SEC23A: variants seen among roughly 807,000 people sequenced by gnomAD.
The protein encoded by SEC23A is protein transport protein Sec23A.
A neutral mutation model predicts 103.7 loss-of-function variants in SEC23A; 56 were observed. The observed-to-expected ratio is 0.54, with a 90% CI of 0.44 to 0.67. SEC23A has a LOEUF of 0.67. SEC23A is among the 30% of genes least tolerant of loss of function. The pLI is 0.00. For missense variants in SEC23A, 784 were observed against 936.4 expected (o/e 0.84, Z 2.12); for synonymous variants, 281 against 293.0 (o/e 0.96, Z 0.42).
At chr14:39,041,793 C>T (rs1157741150) in intron 17 of SEC23A, among the ~76,000 whole-genome samples, 3 of 147,386 alleles carry the variant, frequency 2.0e-5, no homozygotes, top group African/African-American at 5.0e-5. Flanking sequence ...CGCTGGAACC[C>T]GGGAGGCAGA....
chr14:39,046,051 T>C (rs1885826820), intron 15 of SEC23A, among the ~76,000 whole-genome samples: 1 of 152,076 alleles, frequency 6.6e-6, no homozygotes, highest in African/African-American at 2.4e-5. Flanking sequence ...GATCTGATGG[T>C]TTTATAAATG....
chr14:39,087,366 T>G (rs1194220586), intron 5 of SEC23A, among the ~76,000 whole-genome samples: 1 of 152,208 alleles, frequency 6.6e-6, no homozygotes, highest in African/African-American at 2.4e-5. Flanking sequence ...CATAAGCACC[T>G]GCTATGTGGC....
intron 1 of SEC23A, among the ~76,000 whole-genome samples, chr14:39,099,400 C>T (rs1472843130): frequency 1.3e-5 from 2 of 151,888 alleles, no homozygotes; most frequent in African/African-American, 2.4e-5. Context: ...CCTCGTGATC[C>T]GCCGGCCTCG....
At chr14:39,057,494 C>G (rs1886289949) in intron 13 of SEC23A, among the ~76,000 whole-genome samples, 1 of 152,104 alleles carries the variant, frequency 6.6e-6, no homozygotes, top group South Asian at 2.1e-4. Flanking sequence ...GCCTTCTGAG[C>G]AGCAGGACTA....
At chr14:39,046,339 C>G (rs552151284) in intron 15 of SEC23A, among the ~76,000 whole-genome samples, 1 of 151,900 alleles carries the variant, frequency 6.6e-6, no homozygotes, top group African/African-American at 2.4e-5. Context: ...CGGGTATGGT[C>G]GCATGTGTCT....
rs904065152 is a variant in SEC23A at position 39,052,864 on chromosome 14, G to A, written c.1659+2279C>T. Among the ~76,000 whole-genome samples, 11 of 152,174 alleles carry A rather than the reference G, an allele frequency of 7.2e-5. No individual in the cohort carries two copies. In the East Asian group the frequency reaches 7.7e-4, roughly 11 times the overall value. On this transcript the variant is annotated intron_variant, in intron 14 of 19. Transcript: ENST00000307712. ...CAAGATGCTGTCTGAGGCCAGGTGC[G>A]GTAGCTCACGCCTGTAATCCCAGCA...
Position 39,033,106 on chromosome 14 carries a change from T to C in SEC23A, c.*133A>G, listed in dbSNP as rs534406720. The C allele has an allele frequency of 4.4e-5, 30 of 687,310 alleles. No individual in the cohort carries two copies. Among genetic ancestry groups the C allele is most frequent in the East Asian group, 3.4e-4 (13 of 38,386 alleles). The allele number at this position is 687,310 out of a possible 1,614,324, so 42.6% of individuals were successfully genotyped here. A position where few individuals can be genotyped will look rare whatever the true frequency, so the allele number is the denominator to read the frequency against. On this transcript the variant is annotated 3_prime_UTR_variant, in exon 20 of 20. Coordinates refer to ENST00000307712, the MANE Select transcript of SEC23A (RefSeq NM_006364.4). Reference sequence around the variant, plus strand: ...TCTACAAATGTGAACATTTTCCATATGTTGTCTCAAACCATACTAATACAA... The same window carrying C: ...TCTACAAATGTGAACATTTTCCATACGTTGTCTCAAACCATACTAATACAA...
intron 17 of SEC23A, chr14:39,041,200 T>C (rs1052986477): frequency 1.4e-5 from 3 of 220,420 alleles, no homozygotes; most frequent in Non-Finnish European, 2.7e-5. Context: ...GTGAAAGCAA[T>C]TGAATCAATC....
At chr14:39,041,766 G>A (rs1195738367) in intron 17 of SEC23A, among the ~76,000 whole-genome samples, 1 of 151,620 alleles carries the variant, frequency 6.6e-6, no homozygotes, top group Non-Finnish European at 1.5e-5. Flanking sequence ...CTACCCAGAA[G>A]GCTGAGACAG....
intron 17 of SEC23A, 94 bp from the exon 18 acceptor site, chr14:39,040,981 A>G (rs775625055): frequency 9.8e-6 from 14 of 1,431,072 alleles, no homozygotes; most frequent in Non-Finnish European, 1.3e-5. Flanking sequence ...TAGAAACTAA[A>G]AAAATTATAG....
At chr14:39,043,319 T>C (rs2139190282) in intron 16 of SEC23A, among the ~76,000 whole-genome samples, 2 of 152,254 alleles carry the variant, frequency 1.3e-5, no homozygotes, top group South Asian at 4.1e-4. Context: ...TATATTTTAT[T>C]ACCTAAAATC....
chr14:39,095,102 G>GGTAT, intron 2 of SEC23A: 1 of 655,428 alleles, frequency 1.5e-6, no homozygotes. Flanking sequence ...CTTGAAGCAG[G>GGTAT]GTATACTACC....
intron 1 of SEC23A, among the ~76,000 whole-genome samples, chr14:39,101,331 C>G (rs1888083831): frequency 6.6e-6 from 1 of 152,054 alleles, no homozygotes; most frequent in South Asian, 2.1e-4. Context: ...AAAAGTAAGA[C>G]TTCCCTGGCC....
At chr14:39,049,630 T>C (rs1006564178) in intron 14 of SEC23A, among the ~76,000 whole-genome samples, 3 of 150,670 alleles carry the variant, frequency 2.0e-5, no homozygotes, top group Non-Finnish European at 4.4e-5. Flanking sequence ...TTTTGAAAAT[T>C]AGCCAGGCAT....
chr14:39,062,702 T>C (rs930226783), intron 12 of SEC23A, among the ~76,000 whole-genome samples: 3 of 152,118 alleles, frequency 2.0e-5, no homozygotes, highest in Admixed American at 1.3e-4. Flanking sequence ...AGTCAATATA[T>C]TTCTTATAAA....
At chr14:39,039,120 A>G (rs756213405) in intron 18 of SEC23A, 24 bp from the exon 19 acceptor site, 1 of 1,600,218 alleles carries the variant, frequency 6.2e-7, no homozygotes, top group Non-Finnish European at 8.6e-7. Flanking sequence ...AAGAAATAAC[A>G]TTATCCATCA....
At chr14:39,039,853 T>C (rs1020282308) in intron 18 of SEC23A, 2 of 152,144 alleles carry the variant, frequency 1.3e-5, no homozygotes, top group Non-Finnish European at 2.9e-5. Context: ...ATCTGTTAAA[T>C]GAAAATAACA....
intron 6 of SEC23A, among the ~76,000 whole-genome samples, chr14:39,086,577 A>G (rs1373242329): frequency 5.3e-5 from 8 of 152,076 alleles, no homozygotes; most frequent in African/African-American, 1.4e-4. Flanking sequence ...AGCCAAGATC[A>G]TGCCACTGCA....
At chr14:39,071,994 G>A (rs1294402228) in intron 9 of SEC23A, among the ~76,000 whole-genome samples, 1 of 151,992 alleles carries the variant, frequency 6.6e-6, no homozygotes, top group Non-Finnish European at 1.5e-5. Context: ...AGAATTTTAG[G>A]AGGCCGAGGT....
Sources: allele counts gnomAD v4.1 joint callset (sites outside exome capture counted in the v4.1 genomes callset), GRCh38; gene constraint gnomAD v4.1.1; transcripts MANE v1.5; gene names NCBI Gene and HGNC (gene_info 2026-07-23, HGNC 2026-07-21).